USH2A: variants seen among roughly 807,000 people sequenced by gnomAD.
USH2A encodes Usher syndrome 2A (autosomal recessive, mild).
USH2A carries 443 observed loss-of-function variants against 538.9 expected under a neutral mutation model. The ratio of observed to expected loss-of-function variants is 0.82; its 90% CI spans 0.76 to 0.89. The LOEUF is 0.89. USH2A is among the 40% of genes least tolerant of loss of function. The pLI is 0.00. For missense variants in USH2A, 6,633 were observed against 6,324.8 expected (o/e 1.05, Z -1.65); for synonymous variants, 2,413 against 2,273.5 (o/e 1.06, Z -1.75).
At chr1:216,157,488 T>A (rs1330667453) in intron 21 of USH2A, among the ~76,000 whole-genome samples, 4 of 152,052 alleles carry the variant, frequency 2.6e-5, no homozygotes, top group Non-Finnish European at 5.9e-5. Context: ...GAAAAATAAA[T>A]CATTCTACCA....
chr1:216,242,422 C>T (rs1381920581), intron 13 of USH2A, among the ~76,000 whole-genome samples: 1 of 151,188 alleles, frequency 6.6e-6, no homozygotes, highest in African/African-American at 2.4e-5. Flanking sequence ...ATTGTGGGCA[C>T]ACAATAAGGG....
chr1:216,167,458 G>A (rs180889279), intron 21 of USH2A, among the ~76,000 whole-genome samples: 30 of 152,152 alleles, frequency 2.0e-4, no homozygotes, highest in South Asian at 2.1e-4. Flanking sequence ...GCGCTTAACC[G>A]GTATATGACC....
At chr1:215,986,716 A>G (rs1005278215) in intron 35 of USH2A, among the ~76,000 whole-genome samples, 1 of 152,156 alleles carries the variant, frequency 6.6e-6, no homozygotes, top group African/African-American at 2.4e-5. Context: ...ATAATCATCA[A>G]ATGTGCTCAC....
At chr1:215,668,582 C>T (rs1468074304) in intron 64 of USH2A, among the ~76,000 whole-genome samples, 2 of 152,074 alleles carry the variant, frequency 1.3e-5, no homozygotes, top group South Asian at 2.1e-4. Flanking sequence ...AACACAGAGC[C>T]GATAGTAACA....
chr1:216,139,811 A>G (rs1406032899), intron 21 of USH2A, among the ~76,000 whole-genome samples: 1 of 152,032 alleles, frequency 6.6e-6, no homozygotes, highest in Non-Finnish European at 1.5e-5. Context: ...ATTCTTCCCA[A>G]TTTTGGGAAC....
intron 11 of USH2A, among the ~76,000 whole-genome samples, chr1:216,261,755 C>G (rs2036377797): frequency 6.6e-6 from 1 of 152,078 alleles, no homozygotes; most frequent in Non-Finnish European, 1.5e-5. Context: ...CCAGCTGATC[C>G]ACTGAACACT....
At chr1:216,061,066 T>C (rs1021386311) in intron 30 of USH2A, among the ~76,000 whole-genome samples, 1 of 152,182 alleles carries the variant, frequency 6.6e-6, no homozygotes, top group African/African-American at 2.4e-5. Flanking sequence ...GCTCTGAACC[T>C]TGGCCTTGGG....
chr1:215,768,438 G>A (rs1661191247), intron 55 of USH2A, among the ~76,000 whole-genome samples: 1 of 151,498 alleles, frequency 6.6e-6, no homozygotes, highest in African/African-American at 2.4e-5. Flanking sequence ...TGCAGCTGGA[G>A]CTGCTCCAAG....
At chr1:216,252,591 AT>A (rs1433259368) in intron 11 of USH2A, among the ~76,000 whole-genome samples, 1 of 152,266 alleles carries the variant, frequency 6.6e-6, no homozygotes, top group East Asian at 1.9e-4. Flanking sequence ...TTTAAGGATA[AT>A]TAAGACAATT....
intron 64 of USH2A, among the ~76,000 whole-genome samples, chr1:215,656,223 A>C (rs1330490742): frequency 6.6e-6 from 1 of 152,138 alleles, no homozygotes; most frequent in Non-Finnish European, 1.5e-5. Context: ...CTTCCTTAGG[A>C]CTGATGTTTT....
At chr1:215,895,283 G>T (rs1410462706) in intron 40 of USH2A, among the ~76,000 whole-genome samples, 1 of 152,252 alleles carries the variant, frequency 6.6e-6, no homozygotes, top group African/African-American at 2.4e-5. Context: ...CAGACCCTTC[G>T]CCAGACACTG....
intron 21 of USH2A, among the ~76,000 whole-genome samples, chr1:216,114,845 T>C (rs200220868): frequency 1.3e-5 from 2 of 152,134 alleles, no homozygotes; most frequent in East Asian, 3.9e-4. Context: ...TAGCTACAAA[T>C]ATAGAACTAT....
intron 9 of USH2A, among the ~76,000 whole-genome samples, chr1:216,316,115 T>C (rs2037504136): frequency 6.6e-6 from 1 of 152,126 alleles, no homozygotes; most frequent in Non-Finnish European, 1.5e-5. Flanking sequence ...CAAAAATGTA[T>C]CGGAGTTCCT....
chr1:215,750,576 T>C (rs1660593693), intron 58 of USH2A, among the ~76,000 whole-genome samples: 1 of 152,362 alleles, frequency 6.6e-6, no homozygotes, highest in Non-Finnish European at 1.5e-5. Context: ...ATTGTCCTCA[T>C]TCATACTTCC....
intron 4 of USH2A, among the ~76,000 whole-genome samples, chr1:216,350,167 C>T (rs375471291): frequency 8.5e-5 from 13 of 152,184 alleles, no homozygotes; most frequent in African/African-American, 2.6e-4. Context: ...CACAATAAAT[C>T]ATTCATGAAA....
chr1:215,727,086 C>T lies in USH2A; in HGVS notation c.12066+944G>A, dbSNP rs551952890. Among the ~76,000 whole-genome samples the T allele has an allele frequency of 1.2e-3, 183 of 152,032 alleles. 1 individual carries two copies. Among genetic ancestry groups the T allele is most frequent in the Non-Finnish European group, 1.8e-3 (122 of 67,984 alleles). On this transcript the variant is annotated intron_variant, in intron 61 of 71. Coordinates refer to ENST00000307340, the MANE Select transcript of USH2A (RefSeq NM_206933.4). ...AGTGCTCAGGTGAACTGAATTAAGT[C>T]GTTCTATGGGCCAGAGGAAGCCATC...
In USH2A at chr1:215,845,935, G is replaced by A. The variant is rs1475673481; in HGVS notation, c.8944C>T (p.His2982Tyr). Reference sequence around the variant, plus strand: ...TTTGGCTTTAGGTGGCCAATGACATGAGAGTTTACATCTGGCAAGATTTTT... The same window carrying A: ...TTTGGCTTTAGGTGGCCAATGACATAAGAGTTTACATCTGGCAAGATTTTT... ...SLKILPDVNS[H>Y]VIGHLKPNTE... Residue 2982 changes from histidine (H) to tyrosine (Y), a missense_variant, in exon 45 of 72, where the codon CAT becomes TAT. Coordinates refer to ENST00000307340, the MANE Select transcript of USH2A (RefSeq NM_206933.4). The A allele has an allele frequency of 3.1e-6, 5 of 1,613,924 alleles. No homozygotes were observed. In the East Asian group the frequency reaches 8.9e-5, roughly 29 times the overall value.
intron 37 of USH2A, among the ~76,000 whole-genome samples, chr1:215,964,751 A>G (rs1479579055): frequency 6.6e-6 from 1 of 152,206 alleles, no homozygotes; most frequent in African/African-American, 2.4e-5. Flanking sequence ...ATGCTACCAT[A>G]GCACCTAACT....
chr1:215,749,018 T>G (rs966690345), intron 58 of USH2A, among the ~76,000 whole-genome samples: 1 of 152,236 alleles, frequency 6.6e-6, no homozygotes, highest in African/African-American at 2.4e-5. Flanking sequence ...AATGTTACAT[T>G]CATTCAAGTT....
Sources: gnomAD v4.1 joint callset for allele counts (sites outside exome capture counted in the v4.1 genomes callset) on GRCh38, gnomAD v4.1.1 for gene constraint, MANE v1.5 for transcripts, NCBI Gene and HGNC (gene_info 2026-07-23, HGNC 2026-07-21) for gene names.